The following FGGY variants were observed in gnomAD, a reference collection of about 807,000 sequenced individuals.
The protein encoded by FGGY is FGGY carbohydrate kinase domain-containing protein.
Under a neutral mutation model 71.3 loss-of-function variants are expected in FGGY, and 72 were observed. The ratio of observed to expected loss-of-function variants is 1.01; its 90% confidence interval spans 0.84 to 1.23. FGGY has a LOEUF of 1.23. Among genes scored for constraint, FGGY ranks in the 50% most tolerant of loss-of-function variants. FGGY has a pLI of 0.00. For synonymous variants in FGGY, 251 were observed against 250.3 expected, an observed-to-expected ratio of 1.00 and a Z score of -0.02; for missense variants, 668 against 682.3, an observed-to-expected ratio of 0.98 and a Z score of 0.23.
At chr1:59,366,517 T>C (rs1278433171) in intron 4 of FGGY, among the ~76,000 whole-genome samples, 1 of 152,168 alleles carries the variant, frequency 6.6e-6, no homozygotes, top group African/African-American at 2.4e-5. Flanking sequence ...GAGGCAGATA[T>C]ATGGCCACAC....
At position 59,758,741 on chromosome 1, in the gene FGGY, T is replaced by A. The variant is rs779265506; in HGVS notation, c.1574+749T>A. Reference sequence around the variant, plus strand: ...TGGGAGCAGCATAGTACATTCAGGTTACTATAAACAACTCATAATCCAGAA... The same window carrying A: ...TGGGAGCAGCATAGTACATTCAGGTAACTATAAACAACTCATAATCCAGAA... On this transcript the variant is annotated intron_variant, in intron 15 of 15. Transcript: ENST00000303721. Among the ~76,000 whole-genome samples, 30 of 152,208 alleles carry A rather than the reference T, an allele frequency of 2.0e-4. 1 individual carries two copies. The highest frequency in any genetic ancestry group is 4.1e-4 in the Non-Finnish European group (28 of 68,034).
chr1:59,747,522 A>C (rs1014856000), intron 14 of FGGY, among the ~76,000 whole-genome samples: 1 of 152,220 alleles, frequency 6.6e-6, no homozygotes, highest in African/African-American at 2.4e-5. Context: ...TAACTTGTCA[A>C]CTGAGAGTTA....
At position 59,660,226 on chromosome 1, in the gene FGGY, G is replaced by T. The variant is rs2097261823; in HGVS notation, c.1229G>T (p.Gly410Val). 1 of 1,613,436 alleles carries T rather than the reference G, an allele frequency of 6.2e-7. No homozygotes were observed. The highest frequency in any genetic ancestry group is 8.5e-7 in the Non-Finnish European group (1 of 1,179,970). ...ADLTLKGMVT[G>V]LKLSQDLDDL... ...TTCCCTTCATGCCTGCAGGTCACCG[G>T]ATTGAAACTGTCTCAGGACCTTGAT... The change falls in exon 12 of 16, where the codon GGA becomes GTA. Residue 410 changes from glycine to valine, a missense_variant. Coordinates refer to ENST00000303721, the MANE Select transcript of FGGY (RefSeq NM_018291.5).
intron 6 of FGGY, among the ~76,000 whole-genome samples, chr1:59,468,164 A>G (rs1213261211): frequency 6.6e-6 from 1 of 152,044 alleles, no homozygotes; most frequent in Admixed American, 6.6e-5. Context: ...CAGCCTCCCA[A>G]AGTGCTGGGA....
At chr1:59,615,213 C>G (rs1284172043) in intron 9 of FGGY, among the ~76,000 whole-genome samples, 2 of 152,122 alleles carry the variant, frequency 1.3e-5, no homozygotes, top group Admixed American at 6.5e-5. Context: ...GCCAAAAGAA[C>G]AAAGCTGGAG....
chr1:59,754,742 C>G (rs1447329882), intron 14 of FGGY: 2 of 152,270 alleles, frequency 1.3e-5, no homozygotes, highest in Non-Finnish European at 2.9e-5. Flanking sequence ...TTTATGGTGA[C>G]TGCTCCACCT....
chr1:59,761,968 A>G (rs1314379515), intron 15 of FGGY, among the ~76,000 whole-genome samples: 1 of 152,186 alleles, frequency 6.6e-6, no homozygotes, highest in Non-Finnish European at 1.5e-5. Context: ...GCCTTTTTGT[A>G]TATACAGTAG....
In FGGY at chr1:59,725,266, G is replaced by T. The variant is rs187626236; in HGVS notation, c.1513-32665G>T. Among the ~76,000 whole-genome samples, 443 of 152,242 alleles carry T rather than the reference G, an allele frequency of 2.9e-3. 5 individuals carry two copies. Among genetic ancestry groups the T allele is most frequent in the African/African-American group, 9.9e-3 (412 of 41,550 alleles). On this transcript the variant is annotated intron_variant, in intron 14 of 15. Transcript: ENST00000303721. ...CTCCTTTGTCAAAGGAGTTGGAAAA[G>T]GAATAAATCAGTTGACTCTATTTGT... is the stretch of plus-strand genomic sequence containing the variant.
intron 14 of FGGY, among the ~76,000 whole-genome samples, chr1:59,693,090 A>G (rs1170983268): frequency 6.6e-6 from 1 of 152,248 alleles, no homozygotes; most frequent in Non-Finnish European, 1.5e-5. Flanking sequence ...AAAGATAGAT[A>G]ATATTTGTGT....
intron 6 of FGGY, among the ~76,000 whole-genome samples, chr1:59,472,613 A>C (rs1199317658): frequency 6.6e-6 from 1 of 152,012 alleles, no homozygotes; most frequent in Non-Finnish European, 1.5e-5. Context: ...ACCAATTGGC[A>C]CTCTGTATCT....
intron 6 of FGGY, among the ~76,000 whole-genome samples, chr1:59,465,298 AAATT>A (rs2092548011): frequency 6.6e-6 from 1 of 152,220 alleles, no homozygotes; most frequent in Non-Finnish European, 1.5e-5. Flanking sequence ...AAGACTGACA[AAATT>A]TAACAGTACA....
At chr1:59,744,287 C>A (rs918476563) in intron 14 of FGGY, among the ~76,000 whole-genome samples, 6 of 152,196 alleles carry the variant, frequency 3.9e-5, no homozygotes, top group Admixed American at 1.3e-4. Context: ...GTGGCACGAT[C>A]TCGGCTCACT....
At chr1:59,309,921 C>T (rs35430946) in intron 1 of FGGY, 9,583 of 146,474 alleles carry the variant, frequency 0.065, 419 homozygotes, top group Non-Finnish European at 0.096. Context: ...GCAGAGGCTG[C>T]GGTGAGTGGA....
chr1:59,715,214 C>T (rs1400744886), intron 14 of FGGY, among the ~76,000 whole-genome samples: 2 of 152,078 alleles, frequency 1.3e-5, no homozygotes, highest in South Asian at 2.1e-4. Context: ...GGAAGCTTGC[C>T]CTATTTGTGC....
intron 6 of FGGY, among the ~76,000 whole-genome samples, chr1:59,461,228 G>A (rs1454208502): frequency 2.0e-5 from 3 of 152,182 alleles, no homozygotes; most frequent in African/African-American, 4.8e-5. Flanking sequence ...GACCTTAAAT[G>A]ACCTGATGGA....
chr1:59,420,448 C>T (rs559581453), intron 5 of FGGY, among the ~76,000 whole-genome samples: 78 of 152,312 alleles, frequency 5.1e-4, no homozygotes, highest in African/African-American at 1.8e-3. Flanking sequence ...ACCTTGCCAG[C>T]AATACCCCAA....
intron 3 of FGGY, among the ~76,000 whole-genome samples, chr1:59,342,509 TAAAGTGTA>T (rs1222323687): frequency 6.6e-6 from 1 of 152,206 alleles, no homozygotes; most frequent in African/African-American, 2.4e-5. Context: ...CCTAAAAGGT[TAAAGTGTA>T]CCCATTCATC....
intron 3 of FGGY, among the ~76,000 whole-genome samples, chr1:59,343,698 A>G (rs1357598368): frequency 6.6e-6 from 1 of 152,204 alleles, no homozygotes; most frequent in Non-Finnish European, 1.5e-5. Flanking sequence ...TCAGTTTTCC[A>G]TAAGAGCTGA....
At chr1:59,591,044 C>A (rs200125904) in intron 8 of FGGY, among the ~76,000 whole-genome samples, 1 of 152,058 alleles carries the variant, frequency 6.6e-6, no homozygotes, top group Non-Finnish European at 1.5e-5. Context: ...AAAACCCCAT[C>A]GTCTCAGCCC....
Sources: gnomAD v4.1 joint callset for allele counts (sites outside exome capture counted in the v4.1 genomes callset) on GRCh38, gnomAD v4.1.1 for gene constraint, MANE v1.5 for transcripts, NCBI Gene and HGNC (gene_info 2026-07-23, HGNC 2026-07-21) for gene names.